ANKS1B: variants seen among roughly 807,000 people sequenced by gnomAD.
ANKS1B encodes ankyrin repeat and sterile alpha motif domain-containing protein 1B.
In ANKS1B, 36 loss-of-function variants were observed where a neutral mutation model predicts 148.3. The observed-to-expected ratio is 0.24, with a 90% CI of 0.19 to 0.32. ANKS1B has a LOEUF of 0.32. Among genes scored for constraint, ANKS1B ranks in the 10% least tolerant of loss-of-function variants. The pLI is 1.00. For missense variants in ANKS1B, 1,157 were observed against 1,542.6 expected (o/e 0.75, Z 4.19); for synonymous variants, 542 against 560.8 (o/e 0.97, Z 0.47).
intron 8 of ANKS1B, among the ~76,000 whole-genome samples, chr12:99,687,384 A>G (rs1295514602): frequency 6.6e-6 from 1 of 152,176 alleles, no homozygotes; most frequent in Non-Finnish European, 1.5e-5. Context: ...AGTTTCCATC[A>G]AATGTTGAAA....
chr12:99,805,945 C>T lies in ANKS1B; in HGVS notation c.669+459G>A, dbSNP rs76594218. 3.7e-4 allele frequency among the ~76,000 whole-genome samples: 57 copies of T among 152,316 alleles called. No homozygotes were observed. In the East Asian group the frequency reaches 0.01, roughly 27 times the overall value. ...TCTTAAATCTTTGAATCTGATTCCT[C>T]ATCTCTTAACTGAAATTTAATAGTT... is the stretch of plus-strand genomic sequence containing the variant. On this transcript the variant is annotated intron_variant, in intron 4 of 26. Transcript: ENST00000683438.
intron 10 of ANKS1B, among the ~76,000 whole-genome samples, chr12:99,454,972 C>T (rs926202682): frequency 1.2e-4 from 18 of 152,094 alleles, no homozygotes; most frequent in Non-Finnish European, 1.5e-5. Flanking sequence ...AAATATTTTG[C>T]ATCACATCAG....
chr12:99,333,190 A>ATGCTTTG (rs1467326822), intron 12 of ANKS1B, among the ~76,000 whole-genome samples: 2 of 152,108 alleles, frequency 1.3e-5, no homozygotes, highest in Non-Finnish European at 2.9e-5. Context: ...ACTGACTGCC[A>ATGCTTTG]TGCTTTGTAC....
intron 19 of ANKS1B, among the ~76,000 whole-genome samples, chr12:98,820,342 G>C (rs2099174880): frequency 6.6e-6 from 1 of 152,180 alleles, no homozygotes; most frequent in South Asian, 2.1e-4. Context: ...ACTAATCAGT[G>C]CTGGCTCTGA....
intron 17 of ANKS1B, among the ~76,000 whole-genome samples, chr12:98,935,750 G>A (rs2099818072): frequency 6.6e-6 from 1 of 152,098 alleles, no homozygotes; most frequent in African/African-American, 2.4e-5. Flanking sequence ...AATTAAGAGA[G>A]GAGACTTTGG....
chr12:99,226,648 T>A (rs2085983412), intron 14 of ANKS1B, among the ~76,000 whole-genome samples: 1 of 152,198 alleles, frequency 6.6e-6, no homozygotes, highest in East Asian at 1.9e-4. Flanking sequence ...CCAGTGAGTA[T>A]CATCTTTGAG....
chr12:98,790,763 C>T (rs1469518449), intron 22 of ANKS1B, among the ~76,000 whole-genome samples: 2 of 152,118 alleles, frequency 1.3e-5, no homozygotes, highest in Non-Finnish European at 2.9e-5. Context: ...GCTATGATGG[C>T]AGGGAAATGG....
At chr12:99,188,132 CA>C (rs1170157053) in intron 14 of ANKS1B, among the ~76,000 whole-genome samples, 5 of 152,042 alleles carry the variant, frequency 3.3e-5, no homozygotes, top group Non-Finnish European at 7.4e-5. Flanking sequence ...ATCAATGCAA[CA>C]AAAAGAGCTA....
At chr12:99,719,282 G>T (rs1337842197) in intron 8 of ANKS1B, among the ~76,000 whole-genome samples, 2 of 151,894 alleles carry the variant, frequency 1.3e-5, no homozygotes, top group South Asian at 2.1e-4. Context: ...CTGTTTCCCG[G>T]CTCCTTCAGC....
chr12:99,515,708 G>A (rs2096812050), intron 9 of ANKS1B, among the ~76,000 whole-genome samples: 2 of 152,072 alleles, frequency 1.3e-5, no homozygotes, highest in Non-Finnish European at 2.9e-5. Flanking sequence ...CAATGGGATT[G>A]CTGAATTACA....
chr12:99,505,064 A>C (rs2096694875), intron 9 of ANKS1B, among the ~76,000 whole-genome samples: 1 of 152,056 alleles, frequency 6.6e-6, no homozygotes, highest in South Asian at 2.1e-4. Context: ...TGGTGGGAAA[A>C]AATTTTTCCC....
chr12:98,961,794 T>C (rs920899280), intron 17 of ANKS1B, among the ~76,000 whole-genome samples: 3 of 152,144 alleles, frequency 2.0e-5, no homozygotes, highest in Admixed American at 6.5e-5. Flanking sequence ...GTTTTCTCTT[T>C]GCTTGTTTGT....
At chr12:99,716,249 T>A (rs1305152773) in intron 8 of ANKS1B, among the ~76,000 whole-genome samples, 1 of 150,648 alleles carries the variant, frequency 6.6e-6, no homozygotes, top group Non-Finnish European at 1.5e-5. Flanking sequence ...TTCCATGCCC[T>A]GACCTCTTAT....
intron 12 of ANKS1B, among the ~76,000 whole-genome samples, chr12:99,284,172 C>A (rs970445891): frequency 6.6e-6 from 1 of 152,092 alleles, no homozygotes; most frequent in Admixed American, 6.6e-5. Context: ...ATCATCTGAT[C>A]CTAGTATCAG....
chr12:99,271,685 TA>T (rs1214620825), intron 12 of ANKS1B, among the ~76,000 whole-genome samples: 1 of 143,280 alleles, frequency 7.0e-6, no homozygotes, highest in Non-Finnish European at 1.5e-5. Flanking sequence ...TATATATATA[TA>T]TATATATTTA....
At chr12:99,387,556 C>T (rs995215019) in intron 12 of ANKS1B, among the ~76,000 whole-genome samples, 3 of 151,742 alleles carry the variant, frequency 2.0e-5, no homozygotes, top group Non-Finnish European at 2.9e-5. Flanking sequence ...GCGGAGATTG[C>T]GGCCACTCCG....
intron 10 of ANKS1B, among the ~76,000 whole-genome samples, chr12:99,453,829 A>G (rs931261059): frequency 6.6e-6 from 1 of 152,232 alleles, no homozygotes; most frequent in African/African-American, 2.4e-5. Context: ...TGGAAAACAT[A>G]GAAGGGCAAA....
rs2066103976 is a variant in ANKS1B at position 99,795,212 on chromosome 12, T to C, written c.669+11192A>G. Reference sequence around the variant, plus strand: ...AAGCAAGATAAATGAAAAGAATACATCCTGGACATATCACAGTAAAACTAC... The same window carrying C: ...AAGCAAGATAAATGAAAAGAATACACCCTGGACATATCACAGTAAAACTAC... On this transcript the variant is annotated intron_variant, in intron 4 of 26. Coordinates refer to ENST00000683438, the MANE Select transcript of ANKS1B (RefSeq NM_001352186.2). 3.3e-5 allele frequency among the ~76,000 whole-genome samples: 5 copies of C among 151,852 alleles called. No homozygotes were observed. In the South Asian group the frequency reaches 1.0e-3, roughly 32 times the overall value.
At position 99,469,064 on chromosome 12, in the gene ANKS1B, G is replaced by T. The variant is rs2096189590; in HGVS notation, c.1439-25255C>A. ...CCAAATGTCCAACAATGACAGACTG[G>T]ATTAAGAAAATGTGGCACATATACA... On this transcript the variant is annotated intron_variant, in intron 10 of 26. Coordinates refer to ENST00000683438, the MANE Select transcript of ANKS1B (RefSeq NM_001352186.2). Among the ~76,000 whole-genome samples the T allele has an allele frequency of 3.9e-5, 6 of 152,146 alleles. No homozygotes were observed. The South Asian group carries it at 1.2e-3, about 32-fold the overall frequency.
Sources: allele counts gnomAD v4.1 joint callset (sites outside exome capture counted in the v4.1 genomes callset), GRCh38; gene constraint gnomAD v4.1.1; transcripts MANE v1.5; gene names NCBI Gene and HGNC (gene_info 2026-07-23, HGNC 2026-07-21).